MAN2A1: variants seen among roughly 807,000 people sequenced by gnomAD.
The protein encoded by MAN2A1 is mannosidase alpha class 2A member 1.
MAN2A1 carries 76 observed loss-of-function variants against 142.6 expected under a neutral mutation model. The ratio of observed to expected loss-of-function variants is 0.53; its 90% CI spans 0.44 to 0.65. The LOEUF is 0.65. Among genes scored for constraint, MAN2A1 ranks in the 30% least tolerant of loss-of-function variants. The pLI, the probability that MAN2A1 is intolerant of heterozygous loss-of-function variation, is 0.00. For synonymous variants in MAN2A1, 559 were observed against 473.2 expected (o/e 1.18, Z -2.35); for missense variants, 1,311 against 1,365.1 (o/e 0.96, Z 0.62).
At chr5:109,862,790 G>T (rs1247060120) in intron 20 of MAN2A1, 1 of 152,138 alleles carries the variant, frequency 6.6e-6, no homozygotes, top group African/African-American at 2.4e-5. Flanking sequence ...ATACTTTCAT[G>T]AATATTTGAT....
At chr5:109,772,857 G>A (rs1753186471) in intron 7 of MAN2A1, among the ~76,000 whole-genome samples, 1 of 151,652 alleles carries the variant, frequency 6.6e-6, no homozygotes, top group African/African-American at 2.4e-5. Flanking sequence ...TAACCATAAT[G>A]TACAGATGGC....
intron 4 of MAN2A1, among the ~76,000 whole-genome samples, chr5:109,732,383 A>G (rs1486984022): frequency 6.6e-6 from 1 of 151,954 alleles, no homozygotes; most frequent in East Asian, 1.9e-4. Context: ...CCCATTTGTC[A>G]ATTTTGACTT....
intron 1 of MAN2A1, among the ~76,000 whole-genome samples, chr5:109,696,465 G>A (rs965351671): frequency 1.3e-5 from 2 of 152,216 alleles, no homozygotes; most frequent in African/African-American, 4.8e-5. Context: ...AGAAGAGAAA[G>A]TACTTTAGTT....
chr5:109,734,669 A>G (rs1427192945), intron 4 of MAN2A1, among the ~76,000 whole-genome samples: 12 of 152,114 alleles, frequency 7.9e-5, no homozygotes, highest in South Asian at 6.2e-4. Flanking sequence ...GTTTCCATGT[A>G]GTTGAGTGGT....
At chr5:109,800,137 G>A (rs984762258) in intron 12 of MAN2A1, among the ~76,000 whole-genome samples, 91 of 149,290 alleles carry the variant, frequency 6.1e-4, no homozygotes, top group African/African-American at 2.1e-3. Context: ...AGATGCACCC[G>A]AATGTGCACA....
rs543800241 is a variant in MAN2A1, at chr5:109,703,823, C to CT, written c.136-9696dup. ...CTTCCACTCACTTTTAAGTGGTTAT[C>CT]TGTTTTGCATAGTCTCATTTTATGT... On this transcript the variant is annotated intron_variant, in intron 1 of 21. Transcript: ENST00000261483. Among the ~76,000 whole-genome samples the CT allele has an allele frequency of 3.9e-4, 60 of 152,320 alleles. No individual in the cohort carries two copies. In the East Asian group the frequency reaches 0.011, roughly 28 times the overall value.
At chr5:109,764,026 C>G (rs911928811) in intron 5 of MAN2A1, among the ~76,000 whole-genome samples, 1 of 152,040 alleles carries the variant, frequency 6.6e-6, no homozygotes, top group Non-Finnish European at 1.5e-5. Context: ...GTCTCGAACT[C>G]CTGACCTCAG....
chr5:109,739,023 G>A (rs1488779213), intron 4 of MAN2A1, among the ~76,000 whole-genome samples: 1 of 151,910 alleles, frequency 6.6e-6, no homozygotes, highest in African/African-American at 2.4e-5. Flanking sequence ...TGTATTTTTT[G>A]TAGAGATGAG....
intron 12 of MAN2A1, among the ~76,000 whole-genome samples, chr5:109,802,703 C>T (rs1754063024): frequency 1.4e-5 from 2 of 147,614 alleles, no homozygotes. Flanking sequence ...TGCTTTTCAC[C>T]CTTTTGTACC....
chr5:109,699,755 G>A (rs1389149058), intron 1 of MAN2A1: 2 of 159,888 alleles, frequency 1.3e-5, no homozygotes, highest in East Asian at 1.9e-4. Context: ...GGGGACACCC[G>A]CCTAGCCAGC....
At position 109,845,942 on chromosome 5, in the gene MAN2A1, G is replaced by T; in HGVS notation, c.2778G>T (p.Gln926His). Residue 926 changes from glutamine to histidine, a missense_variant, in exon 18 of 22, where the codon CAG becomes CAT. Gln to His is a conservative substitution (Grantham distance 24). This residue lies in a region of MAN2A1 where 890 missense variants were observed against 920.5 expected (regional missense o/e 0.97). Transcript: ENST00000261483. ...CCATGACCACAATGGCCTATATCCAGGATGCCAAACATCGTTTGACACTGC... is the reference window on the plus strand; with the variant it reads ...CCATGACCACAATGGCCTATATCCATGATGCCAAACATCGTTTGACACTGC... ...VYPMTTMAYI[Q>H]DAKHRLTLLS... 6.2e-7 allele frequency: 1 copy of T among 1,613,722 alleles called. No individual in the cohort carries two copies. Among genetic ancestry groups the T allele is most frequent in the Non-Finnish European group, 8.5e-7 (1 of 1,179,728 alleles).
chr5:109,786,333 T>C (rs1753594919), intron 10 of MAN2A1, among the ~76,000 whole-genome samples: 1 of 151,982 alleles, frequency 6.6e-6, no homozygotes, highest in Non-Finnish European at 1.5e-5. Flanking sequence ...AGGGTAGAGC[T>C]CCTAAGAGGA....
chr5:109,857,534 G>A (rs1348129884), intron 20 of MAN2A1, among the ~76,000 whole-genome samples: 1 of 152,126 alleles, frequency 6.6e-6, no homozygotes, highest in Non-Finnish European at 1.5e-5. Flanking sequence ...ACTTCTAGGT[G>A]GCTCCTCCAC....
At chr5:109,818,705 A>G (rs1489220945) in intron 13 of MAN2A1, among the ~76,000 whole-genome samples, 3 of 152,180 alleles carry the variant, frequency 2.0e-5, no homozygotes, top group Non-Finnish European at 4.4e-5. Context: ...TTCATGGAAA[A>G]TTTCCTTCTC....
chr5:109,804,124 G>T, intron 12 of MAN2A1: 2 of 984,306 alleles, frequency 2.0e-6, no homozygotes, highest in Non-Finnish European at 2.4e-6. Context: ...CCACTCTTCT[G>T]AACTAGATTT....
At chr5:109,812,105 T>C (rs905527607) in intron 12 of MAN2A1, among the ~76,000 whole-genome samples, 5 of 152,190 alleles carry the variant, frequency 3.3e-5, no homozygotes, top group African/African-American at 9.7e-5. Flanking sequence ...TGAATTGTTA[T>C]TGAGATTCTT....
intron 5 of MAN2A1, among the ~76,000 whole-genome samples, chr5:109,760,197 C>T (rs1380045133): frequency 1.3e-5 from 2 of 152,120 alleles, no homozygotes; most frequent in Non-Finnish European, 2.9e-5. Flanking sequence ...CATGTGTTCT[C>T]ATTGTTCGAC....
In MAN2A1 at chr5:109,869,170, TTAAA is replaced by T. The variant is rs1324720197; in HGVS notation, c.*2176_*2179del. On this transcript the variant is annotated 3_prime_UTR_variant, in exon 22 of 22. Coordinates refer to ENST00000261483, the MANE Select transcript of MAN2A1 (RefSeq NM_002372.4). ...GCTTTGGGTTGTAGTCAAAAACTGATTAAATAATTTAATGTCTCTGGCACACACT... is the reference window on the plus strand; with the variant it reads ...GCTTTGGGTTGTAGTCAAAAACTGATTAATTTAATGTCTCTGGCACACACT... 6.6e-6 allele frequency: 1 copy of T among 152,212 alleles called. No homozygotes were observed. Among genetic ancestry groups the T allele is most frequent in the Non-Finnish European group, 1.5e-5 (1 of 68,042 alleles). The allele number at this position is 152,212 out of a possible 1,614,324, so 9.4% of individuals were successfully genotyped here. A position where few individuals can be genotyped will look rare whatever the true frequency, so the allele number is the denominator to read the frequency against.
intron 5 of MAN2A1, among the ~76,000 whole-genome samples, chr5:109,762,239 T>A (rs1447012005): frequency 6.6e-6 from 1 of 152,174 alleles, no homozygotes; most frequent in Non-Finnish European, 1.5e-5. Context: ...TAGTTTTCTG[T>A]AGGGCATTTT....
Sources: allele counts gnomAD v4.1 joint callset (sites outside exome capture counted in the v4.1 genomes callset), GRCh38; gene constraint gnomAD v4.1.1; regional missense constraint gnomAD v4.1.1; transcripts MANE v1.5; gene names NCBI Gene and HGNC (gene_info 2026-07-23, HGNC 2026-07-21).